Variants in BCAS3 observed in about 807,000 individuals in gnomAD.
BCAS3 encodes the protein BCAS4/BCAS3 fusion.
BCAS3 carries 53 observed loss-of-function variants against 116.1 expected under a neutral mutation model. The observed-to-expected ratio is 0.46, with a 90% CI of 0.37 to 0.57. The LOEUF (loss-of-function observed/expected upper bound fraction) is 0.57, where lower values mean the gene tolerates loss of function less well. Ranked by LOEUF, BCAS3 falls within the 20% of genes least tolerant of loss-of-function variation. The probability of loss-of-function intolerance (pLI) is 0.00; values close to 1 mark genes in which losing one functional copy is unlikely to be tolerated. For missense variants in BCAS3, 917 were observed against 1,165.4 expected (o/e 0.79, Z 3.10); for synonymous variants, 391 against 408.2 (o/e 0.96, Z 0.51).
intron 7 of BCAS3, chr17:60,810,452 A>G: frequency 1.6e-6 from 1 of 630,410 alleles, no homozygotes; most frequent in South Asian, 1.4e-5. Flanking sequence ...TCCTGCCTGG[A>G]CAGAGCAAGG....
At position 61,186,749 on chromosome 17, in the gene BCAS3, C is replaced by T. The variant is rs145649980; in HGVS notation, c.2425+102185C>T. ...TTTTTGAGACGGAGTCTCGCTCTGT[C>T]GCCCAGGTTGGAGTGCAGTGGCACG... On this transcript the variant is annotated intron_variant, in intron 22 of 23. Transcript: ENST00000407086. This position sits in a 1 kb window ranked among gnomAD's most constrained non-coding sequence, Gnocchi z 4.9. Among the ~76,000 whole-genome samples, 12 of 151,630 alleles carry T rather than the reference C, an allele frequency of 7.9e-5. No homozygotes were observed. In the East Asian group the frequency reaches 9.7e-4, roughly 12 times the overall value.
At chr17:61,319,392 A>G (rs973184575) in intron 22 of BCAS3, among the ~76,000 whole-genome samples, 1 of 152,228 alleles carries the variant, frequency 6.6e-6, no homozygotes, top group African/African-American at 2.4e-5. Flanking sequence ...CTAGCTTGAT[A>G]ATTTACAATT....
intron 9 of BCAS3, among the ~76,000 whole-genome samples, chr17:60,881,530 G>A (rs1227572107): frequency 3.3e-5 from 5 of 150,654 alleles, no homozygotes; most frequent in African/African-American, 7.3e-5. Context: ...ATGCTGGTGC[G>A]CTGCACCCAC....
intron 13 of BCAS3, among the ~76,000 whole-genome samples, chr17:60,929,494 A>G (rs2059529438): frequency 6.6e-6 from 1 of 152,126 alleles, no homozygotes; most frequent in Non-Finnish European, 1.5e-5. Flanking sequence ...TATATTTGTT[A>G]GCTTCTGAAC....
chr17:61,391,601 A>C lies in BCAS3; in HGVS notation c.2594-376A>C. 5.5e-6 allele frequency: 1 copy of C among 183,406 alleles called. No homozygotes were observed. The highest frequency in any genetic ancestry group is 1.1e-5 in the Non-Finnish European group (1 of 89,248). The allele number at this position is 183,406 out of a possible 1,614,324, so 11.4% of individuals were successfully genotyped here. ...CGCCTGCCTCCCCTGTAGAGCCGGG[A>C]CAGAAGGCACTGTGGAGTTGGGGGC... is the stretch of plus-strand genomic sequence containing the variant. On this transcript the variant is annotated intron_variant, in intron 23 of 23. Transcript: ENST00000407086. This position sits in a 1 kb window ranked among gnomAD's most constrained non-coding sequence, Gnocchi z 7.7.
At chr17:60,998,130 G>C (rs933366927) in intron 15 of BCAS3, among the ~76,000 whole-genome samples, 1 of 152,120 alleles carries the variant, frequency 6.6e-6, no homozygotes, top group Non-Finnish European at 1.5e-5. Flanking sequence ...ATTTACTTAG[G>C]ATAACGACCT....
intron 9 of BCAS3, among the ~76,000 whole-genome samples, chr17:60,881,310 A>G (rs1032804310): frequency 6.6e-6 from 1 of 152,138 alleles, no homozygotes; most frequent in Non-Finnish European, 1.5e-5. Context: ...CTTTTAAAGC[A>G]TGTTAAATTT....
intron 17 of BCAS3, chr17:61,036,362 C>G (rs1450492789): frequency 1.3e-5 from 2 of 152,114 alleles, no homozygotes; most frequent in Non-Finnish European, 2.9e-5. Flanking sequence ...GTAATGGGAT[C>G]TCACGCGCAG....
At chr17:60,888,500 T>C (rs1257339012) in intron 9 of BCAS3, among the ~76,000 whole-genome samples, 1 of 152,178 alleles carries the variant, frequency 6.6e-6, no homozygotes, top group African/African-American at 2.4e-5. Flanking sequence ...TACATACTCA[T>C]ATAAAATTAT....
chr17:61,042,141 A>G (rs796955245), intron 19 of BCAS3, among the ~76,000 whole-genome samples: 8 of 152,140 alleles, frequency 5.3e-5, no homozygotes, highest in African/African-American at 1.9e-4. Flanking sequence ...TTTTAAGCAT[A>G]TATTTAACTA....
chr17:60,819,552 A>C (rs2049741235), intron 7 of BCAS3, among the ~76,000 whole-genome samples: 1 of 152,224 alleles, frequency 6.6e-6, no homozygotes, highest in Non-Finnish European at 1.5e-5. Flanking sequence ...TGCTGGTTTA[A>C]TTTCTTACAG....
In BCAS3 at chr17:61,062,334, G is replaced by A. The variant is rs149258454; in HGVS notation, c.2030-12586G>A. On this transcript the variant is annotated intron_variant, in intron 19 of 23. Coordinates refer to ENST00000407086, the MANE Select transcript of BCAS3 (RefSeq NM_017679.5). Reference sequence around the variant, plus strand: ...TATTGTATTCTATACTCCTGTAAAGGTAAGCTTTAATAAGAATGCTCTTAT... The same window carrying A: ...TATTGTATTCTATACTCCTGTAAAGATAAGCTTTAATAAGAATGCTCTTAT... Among the ~76,000 whole-genome samples the A allele has an allele frequency of 3.9e-5, 6 of 152,200 alleles. No homozygotes were observed. In the South Asian group the frequency reaches 6.2e-4, roughly 16 times the overall value.
intron 13 of BCAS3, among the ~76,000 whole-genome samples, chr17:60,925,063 G>T (rs1405991309): frequency 6.6e-6 from 1 of 151,566 alleles, no homozygotes; most frequent in Non-Finnish European, 1.5e-5. Flanking sequence ...GCATTTGTAA[G>T]ATTTTTAAAT....
In BCAS3 at chr17:61,067,269, A is replaced by ATG. The variant is rs1254698057; in HGVS notation, c.2030-7647_2030-7646dup. Among the ~76,000 whole-genome samples, 308 of 83,332 alleles carry ATG rather than the reference A, an allele frequency of 3.7e-3. 4 individuals are homozygous for ATG. Among genetic ancestry groups the ATG allele is most frequent in the East Asian group, 0.01 (27 of 2,678 alleles). The allele number at this position is 83,332 out of a possible 152,430, so 54.7% of individuals were successfully genotyped here. A position where few individuals can be genotyped will look rare whatever the true frequency, so the allele number is the denominator to read the frequency against. ...ATTTCATAACTTTATTTATGTGTGT[A>ATG]TGTGTATATATATATATATATATAT... On this transcript the variant is annotated intron_variant, in intron 19 of 23. Transcript: ENST00000407086.
chr17:61,085,352 C>T (rs1048073710), intron 22 of BCAS3, among the ~76,000 whole-genome samples: 2 of 152,166 alleles, frequency 1.3e-5, no homozygotes, highest in Non-Finnish European at 2.9e-5. Flanking sequence ...GTTAGTCAAA[C>T]AGTTGAGTCA....
chr17:61,124,948 G>A lies in BCAS3; in HGVS notation c.2425+40384G>A, dbSNP rs2075978451. ...GGTGACAATGGCAAAGTGAGGAGTG[G>A]GGAGATGTAAGACAAATTCCCTTTT... On this transcript the variant is annotated intron_variant, in intron 22 of 23. Transcript: ENST00000407086. The surrounding 1 kb of genome is among the most constrained non-coding windows in gnomAD (Gnocchi z 4.6). Among the ~76,000 whole-genome samples, 1 of 152,106 alleles carries A rather than the reference G, an allele frequency of 6.6e-6. No homozygotes were observed. Among genetic ancestry groups the A allele is most frequent in the Non-Finnish European group, 1.5e-5 (1 of 68,026 alleles).
intron 19 of BCAS3, 70 bp downstream of exon 19, chr17:61,040,962 G>C: frequency 7.5e-7 from 1 of 1,330,964 alleles, no homozygotes; most frequent in Non-Finnish European, 1.1e-6. Context: ...TGCTAGCTTT[G>C]AAAGCAAACA....
At chr17:60,929,388 A>G (rs945845769) in intron 13 of BCAS3, among the ~76,000 whole-genome samples, 11 of 152,172 alleles carry the variant, frequency 7.2e-5, no homozygotes, top group Non-Finnish European at 1.3e-4. Context: ...TGATCCCACC[A>G]TTGCACTCTA....
In BCAS3 at chr17:61,037,279, A is replaced by G. The variant is rs555371404; in HGVS notation, c.1763-610A>G. On this transcript the variant is annotated intron_variant, in intron 17 of 23. Coordinates refer to ENST00000407086, the MANE Select transcript of BCAS3 (RefSeq NM_017679.5). This position sits in a 1 kb window ranked among gnomAD's most constrained non-coding sequence, Gnocchi z 4.7. ...TTTCCTGATATCATTCATTTTTCAT[A>G]ATGTGGGACAAATTACATTGTAGAC... Among the ~76,000 whole-genome samples, 210 of 152,292 alleles carry G rather than the reference A, an allele frequency of 1.4e-3. 2 individuals are homozygous for G. Among genetic ancestry groups the G allele is most frequent in the Admixed American group, 3.9e-3 (60 of 15,292 alleles).
Sources: gnomAD v4.1 joint callset for allele counts (sites outside exome capture counted in the v4.1 genomes callset) on GRCh38, gnomAD v4.1.1 for gene constraint, Gnocchi (gnomAD v3.1) non-coding constraint, MANE v1.5 for transcripts, NCBI Gene and HGNC (gene_info 2026-07-23, HGNC 2026-07-21) for gene names.